ATAD3A: variants seen among roughly 807,000 people sequenced by gnomAD.
ATAD3A encodes the protein ATPase family AAA domain-containing protein 3A.
Under a neutral mutation model 73.8 loss-of-function variants are expected in ATAD3A, and 46 were observed. That is an observed-to-expected ratio of 0.62 (90% CI 0.49 to 0.80). The LOEUF is 0.80. ATAD3A is among the 30% of genes least tolerant of loss of function. The pLI is 0.00. For missense variants in ATAD3A, 705 were observed against 838.0 expected, an observed-to-expected ratio of 0.84 and a Z score of 1.96; for synonymous variants, 319 against 350.0, an observed-to-expected ratio of 0.91 and a Z score of 0.99.
intron 1 of ATAD3A, among the ~76,000 whole-genome samples, chr1:1,514,894 G>A (rs116803952): frequency 0.01 from 1,544 of 152,292 alleles, 15 homozygotes; most frequent in South Asian, 0.013. Context: ...ATTTATTTGA[G>A]ATGGAGTTGC....
rs112869160 is a variant in ATAD3A, at chr1:1,525,234, T to C, written c.1215-6T>C. The C allele has an allele frequency of 1.8e-3, 2,982 of 1,613,564 alleles. 38 individuals are homozygous for C. The highest frequency in any genetic ancestry group is 0.017 in the African/African-American group (1,308 of 74,878). Reference sequence around the variant, plus strand: ...TCGCCCTGCTTGGCCTCCCTCTCGTTCACAGCCTCCTGCTCTTTGTGGATG... The same window carrying C: ...TCGCCCTGCTTGGCCTCCCTCTCGTCCACAGCCTCCTGCTCTTTGTGGATG... On this transcript the variant is annotated splice_polypyrimidine_tract_variant and splice_region_variant and intron_variant, in intron 11 of 15. Transcript: ENST00000378756.
chr1:1,521,298 CAAAAAAAAA>C (rs1001385922), intron 7 of ATAD3A, among the ~76,000 whole-genome samples: 539 of 25,340 alleles, frequency 0.021, 5 homozygotes, highest in Non-Finnish European at 0.042. Context: ...GGCTTCTTCT[CAAAAAAAAA>C]AAAAAAAAAA....
intron 15 of ATAD3A, among the ~76,000 whole-genome samples, chr1:1,530,700 G>T (rs1642003239): frequency 8.3e-6 from 1 of 121,120 alleles, no homozygotes; most frequent in Non-Finnish European, 1.5e-5. Flanking sequence ...GTAGTGGCGG[G>T]CGCCTGTAGT....
In ATAD3A at chr1:1,512,335, C is replaced by G; in HGVS notation, c.67C>G (p.Pro23Ala). Residue 23 changes from proline to alanine, a missense_variant, in exon 1 of 16, where the codon CCG becomes GCG. Transcript: ENST00000378756. The part of the protein sequence containing the change: ...GEGAGPPPPL[P>A]PAQPGAEGGG... Reference sequence around the variant, plus strand: ...AGGCGCGGGGCCGCCGCCGCCTTTGCCGCCCGCGCAGCCCGGGGCCGAGGG... The same window carrying G: ...AGGCGCGGGGCCGCCGCCGCCTTTGGCGCCCGCGCAGCCCGGGGCCGAGGG... 11 of 1,239,642 alleles carry G rather than the reference C, an allele frequency of 8.9e-6. No homozygotes were observed. Among genetic ancestry groups the G allele is most frequent in the Non-Finnish European group, 1.1e-5 (11 of 985,980 alleles). 76.8% of individuals were successfully genotyped at this position (1,239,642 alleles called of 1,614,324 possible).
intron 10 of ATAD3A, 47 bp downstream of exon 10, chr1:1,524,011 C>T (rs1008502797): frequency 1.9e-6 from 3 of 1,612,624 alleles, no homozygotes; most frequent in African/African-American, 2.7e-5. Context: ...GCTGGGGTCT[C>T]ACCTGCCTGC....
At chr1:1,530,974 G>C (rs1642014966) in intron 15 of ATAD3A, among the ~76,000 whole-genome samples, 1 of 151,672 alleles carries the variant, frequency 6.6e-6, no homozygotes, top group South Asian at 2.1e-4. Context: ...TGGCCAACAA[G>C]GCCAATCTCA....
intron 14 of ATAD3A, among the ~76,000 whole-genome samples, chr1:1,528,887 G>A (rs1641942079): frequency 1.3e-5 from 2 of 152,254 alleles, no homozygotes; most frequent in Admixed American, 6.5e-5. Flanking sequence ...CCATGACTTG[G>A]CTTCTGTGGC....
chr1:1,512,843 G>A (rs1271706809), intron 1 of ATAD3A, among the ~76,000 whole-genome samples: 1 of 152,162 alleles, frequency 6.6e-6, no homozygotes, highest in Non-Finnish European at 1.5e-5. Context: ...ATGGGTAGAT[G>A]GGTTTGTTGG....
chr1:1,515,229 A>G lies in ATAD3A; in HGVS notation c.206-783A>G, dbSNP rs977155654. Among the ~76,000 whole-genome samples the G allele has an allele frequency of 2.6e-5, 4 of 152,162 alleles. No homozygotes were observed. The East Asian group carries it at 5.8e-4, about 22-fold the overall frequency. On this transcript the variant is annotated intron_variant, in intron 1 of 15. Coordinates refer to ENST00000378756, the MANE Select transcript of ATAD3A (RefSeq NM_001170535.3). ...GTAGCTGGGATTACAGGCGTCCGCC[A>G]CTGCGCCCAGCTAATTTTTGTATAT...
At chr1:1,528,926 G>A (rs997574144) in intron 14 of ATAD3A, among the ~76,000 whole-genome samples, 12 of 152,234 alleles carry the variant, frequency 7.9e-5, no homozygotes, top group Non-Finnish European at 1.6e-4. Flanking sequence ...GCTAGAAGTC[G>A]GGGCTCCGCC....
intron 15 of ATAD3A, among the ~76,000 whole-genome samples, chr1:1,530,256 C>T (rs908191408): frequency 2.6e-5 from 4 of 152,086 alleles, no homozygotes; most frequent in South Asian, 2.1e-4. Flanking sequence ...AAGCAGAGGC[C>T]GGGTATGGTG....
chr1:1,512,497 C>CGGGCAGGGCGGGGCGGGGCGGG (rs1557452502), intron 1 of ATAD3A, 24 bp downstream of exon 1: 1 of 707,648 alleles, frequency 1.4e-6, no homozygotes, highest in African/African-American at 5.4e-5. Flanking sequence ...GGCGGGGCGG[C>CGGGCAGGGCGGGGCGGGGCGGG]GCGGGCGGGC....
Position 1,520,068 on chromosome 1 carries a change from C to T in ATAD3A, c.515-73C>T, listed in dbSNP as rs563993041. ...GGCGTGGGCCGGTCCGTGGCGTGGGCCGGTCCACAGTGTGGGTGGAGGTGG... is the reference window on the plus strand; with the variant it reads ...GGCGTGGGCCGGTCCGTGGCGTGGGTCGGTCCACAGTGTGGGTGGAGGTGG... On this transcript the variant is annotated intron_variant, in intron 5 of 15. Coordinates refer to ENST00000378756, the MANE Select transcript of ATAD3A (RefSeq NM_001170535.3). The surrounding 1 kb of genome is among the most constrained non-coding windows in gnomAD (Gnocchi z 4.0). 9,938 of 1,550,578 alleles carry T rather than the reference C, an allele frequency of 6.4e-3. 146 individuals carry two copies. Among genetic ancestry groups the T allele is most frequent in the South Asian group, 9.7e-3 (815 of 84,292 alleles).
chr1:1,533,879 G>A (rs765201587), intron 15 of ATAD3A, 47 bp from the exon 16 acceptor site: 9 of 1,595,292 alleles, frequency 5.6e-6, no homozygotes, highest in African/African-American at 1.4e-5. Flanking sequence ...CATTTGGGGT[G>A]GGGGGTTCCC....
chr1:1,531,223 G>T (rs1642022967), intron 15 of ATAD3A, among the ~76,000 whole-genome samples: 1 of 152,190 alleles, frequency 6.6e-6, no homozygotes, highest in South Asian at 2.1e-4. Flanking sequence ...GGGAGGCCAA[G>T]GCGGGCAGAT....
chr1:1,527,959 T>A (rs1177518726), intron 14 of ATAD3A, 97 bp downstream of exon 14: 8 of 186,736 alleles, frequency 4.3e-5, no homozygotes, highest in Non-Finnish European at 6.9e-5. Context: ...TTAACATTCC[T>A]TTTTTTTTTT....
intron 15 of ATAD3A, among the ~76,000 whole-genome samples, chr1:1,531,286 A>C (rs1463283420): frequency 6.6e-6 from 1 of 151,968 alleles, no homozygotes; most frequent in Non-Finnish European, 1.5e-5. Context: ...CCCCATCTCT[A>C]CTAAAAATAC....
intron 15 of ATAD3A, among the ~76,000 whole-genome samples, chr1:1,530,420 G>C (rs1641994546): frequency 6.6e-6 from 1 of 152,232 alleles, no homozygotes; most frequent in Admixed American, 6.5e-5. Flanking sequence ...TGTAATGCCA[G>C]CTGCTTGGGA....
rs759435337 is a variant in ATAD3A at position 1,523,932 on chromosome 1, C to T, written c.1057C>T (p.Pro353Ser). ...GTACAGGAACATCCTGATGTACGGG[C>T]CACCAGGCACCGGGAAGACGCTGTT... ...SLYRNILMYG[P>S]PGTGKTLFAK... Residue 353 changes from proline (P) to serine (S), a missense_variant, in exon 10 of 16, where the codon CCA (proline) becomes TCA (serine). Pro to Ser is a moderately conservative substitution (Grantham distance 74). Around this residue, in one of 5 missense-constraint regions of ATAD3A, gnomAD observed 315 missense variants for 334.1 expected, o/e 0.94. Coordinates refer to ENST00000378756, the MANE Select transcript of ATAD3A (RefSeq NM_001170535.3). This position sits in a 1 kb window ranked among gnomAD's most constrained non-coding sequence, Gnocchi z 5.1. 4.3e-6 allele frequency: 7 copies of T among 1,613,976 alleles called. No homozygotes were observed. The highest frequency in any genetic ancestry group is 2.2e-5 in the South Asian group (2 of 91,084).
Sources: gnomAD v4.1 joint callset for allele counts (sites outside exome capture counted in the v4.1 genomes callset) on GRCh38, gnomAD v4.1.1 for gene constraint, gnomAD v4.1.1 regional missense constraint, Gnocchi (gnomAD v3.1) non-coding constraint, MANE v1.5 for transcripts, NCBI Gene and HGNC (gene_info 2026-07-23, HGNC 2026-07-21) for gene names.